Variants in NGLY1 observed in about 807,000 individuals in gnomAD.
NGLY1 encodes the protein N-glycanase 1, also known as peptide-N(4)-(N-acetyl-beta-glucosaminyl)asparagine amidase.
In NGLY1, 68 loss-of-function variants were observed where a neutral mutation model predicts 84.6. That is an observed-to-expected ratio of 0.80 (90% CI 0.66 to 0.98). The LOEUF (loss-of-function observed/expected upper bound fraction) is 0.98. Among genes scored for constraint, NGLY1 ranks in the 50% least tolerant of loss-of-function variants. NGLY1 has a pLI of 0.00. For missense variants in NGLY1, 779 were observed against 770.2 expected (o/e 1.01, Z -0.14); for synonymous variants, 280 against 275.2 (o/e 1.02, Z -0.17).
At chr3:25,723,064 T>C (rs1218057157) in intron 10 of NGLY1, among the ~76,000 whole-genome samples, 1 of 152,198 alleles carries the variant, frequency 6.6e-6, no homozygotes, top group East Asian at 1.9e-4. Flanking sequence ...GCTCACTAGA[T>C]TCAAATGTCC....
intron 10 of NGLY1, among the ~76,000 whole-genome samples, 167 bp downstream of exon 10, chr3:25,728,966 A>C (rs1202839506): frequency 6.6e-6 from 1 of 152,058 alleles, no homozygotes; most frequent in South Asian, 2.1e-4. Flanking sequence ...TTTCTAGTGG[A>C]CTTTTGATTA....
intron 10 of NGLY1, among the ~76,000 whole-genome samples, chr3:25,728,150 G>T (rs980611069): frequency 1.3e-5 from 2 of 151,970 alleles, no homozygotes; most frequent in African/African-American, 2.4e-5. Flanking sequence ...GATATAAATG[G>T]AGTATTTCTA....
At chr3:25,734,117 A>T (rs931493122) in intron 7 of NGLY1, 135 bp from the exon 8 acceptor site, 7 of 1,243,526 alleles carry the variant, frequency 5.6e-6, no homozygotes, top group Admixed American at 2.5e-5. Flanking sequence ...TCCAGGCTAG[A>T]GTGCAGTGGC....
intron 10 of NGLY1, among the ~76,000 whole-genome samples, chr3:25,727,553 T>C (rs1335667630): frequency 6.6e-6 from 1 of 152,216 alleles, no homozygotes; most frequent in Non-Finnish European, 1.5e-5. Context: ...CCCACCTCAC[T>C]GTTTCCATAG....
intron 2 of NGLY1, among the ~76,000 whole-genome samples, chr3:25,771,833 T>C (rs1707911216): frequency 1.3e-5 from 2 of 152,192 alleles, no homozygotes; most frequent in Admixed American, 6.5e-5. Flanking sequence ...CTCAGCTTGG[T>C]CGCTGTTGGT....
Position 25,736,036 on chromosome 3 carries a change from G to A in NGLY1, c.1117C>T (p.Leu373Phe). The A allele has an allele frequency of 1.2e-6, 2 of 1,613,758 alleles. No individual in the cohort carries two copies. The highest frequency in any genetic ancestry group is 1.7e-6 in the Non-Finnish European group (2 of 1,179,818). The change falls in exon 7 of 12, where the codon CTT becomes TTT. Residue 373 changes from leucine (L) to phenylalanine (F), a missense_variant. Physicochemically the swap from Leu to Phe is conservative, Grantham distance 22. Transcript: ENST00000280700. ...TTTGAAAATGCTATGACATAGGAAA[G>A]CTTCTTGCCCCATCCTATTTCATAA... ...LLYEIGWGKK[L>F]SYVIAFSKDE...
At chr3:25,765,703 C>T (rs1707529996) in intron 2 of NGLY1, among the ~76,000 whole-genome samples, 2 of 152,100 alleles carry the variant, frequency 1.3e-5, no homozygotes, top group Admixed American at 1.3e-4. Flanking sequence ...AAGACAACTA[C>T]AATGTATTGT....
At chr3:25,767,592 T>C (rs1707652305) in intron 2 of NGLY1, among the ~76,000 whole-genome samples, 1 of 152,162 alleles carries the variant, frequency 6.6e-6, no homozygotes, top group Non-Finnish European at 1.5e-5. Flanking sequence ...CTAATCTTTT[T>C]CATTTCAACA....
intron 3 of NGLY1, chr3:25,755,772 C>A: frequency 2.7e-6 from 2 of 751,364 alleles, no homozygotes; most frequent in Non-Finnish European, 4.3e-6. Flanking sequence ...TCTCGTTTTA[C>A]CTTAAAAGAC....
At chr3:25,770,172 C>CAA (rs1707823545) in intron 2 of NGLY1, among the ~76,000 whole-genome samples, 1 of 152,108 alleles carries the variant, frequency 6.6e-6, no homozygotes, top group African/African-American at 2.4e-5. Flanking sequence ...TTGTTTGAGA[C>CAA]AGAGTTTTGC....
At chr3:25,722,840 C>T (rs569129583) in intron 10 of NGLY1, among the ~76,000 whole-genome samples, 8 of 152,156 alleles carry the variant, frequency 5.3e-5, no homozygotes, top group Non-Finnish European at 8.8e-5. Context: ...AACTATTAGG[C>T]ATCTGGGTTA....
At chr3:25,724,856 G>A (rs1219893422) in intron 10 of NGLY1, among the ~76,000 whole-genome samples, 1 of 152,152 alleles carries the variant, frequency 6.6e-6, no homozygotes, top group East Asian at 1.9e-4. Flanking sequence ...CTGACTCAGT[G>A]TGATATTATG....
intron 2 of NGLY1, among the ~76,000 whole-genome samples, chr3:25,769,817 G>A (rs1434683395): frequency 6.6e-6 from 1 of 151,384 alleles, no homozygotes; most frequent in Non-Finnish European, 1.5e-5. Flanking sequence ...TATTTCAATA[G>A]GTTTTTGGGG....
chr3:25,733,785 T>G, intron 8 of NGLY1, 87 bp downstream of exon 8: 1 of 694,438 alleles, frequency 1.4e-6, no homozygotes, highest in South Asian at 2.7e-5. Flanking sequence ...GCTACTACTT[T>G]AAGAATTTCA....
intron 3 of NGLY1, chr3:25,755,762 T>G: frequency 1.2e-6 from 1 of 833,424 alleles, no homozygotes; most frequent in Middle Eastern, 3.5e-4. Flanking sequence ...TTCTAGATCT[T>G]CTCGTTTTAC....
chr3:25,756,432 T>C (rs558968105), intron 3 of NGLY1, among the ~76,000 whole-genome samples: 10 of 152,314 alleles, frequency 6.6e-5, no homozygotes, highest in Non-Finnish European at 1.3e-4. Flanking sequence ...GTCAGAACAG[T>C]TGGGTTTTAC....
At chr3:25,773,220 T>C (rs938368690) in intron 2 of NGLY1, among the ~76,000 whole-genome samples, 8 of 152,204 alleles carry the variant, frequency 5.3e-5, no homozygotes, top group African/African-American at 1.9e-4. Context: ...CCCTCAAATA[T>C]GTCTTCCAAA....
intron 3 of NGLY1, chr3:25,755,131 T>A: frequency 7.5e-7 from 1 of 1,326,938 alleles, no homozygotes; most frequent in Non-Finnish European, 1.1e-6. Flanking sequence ...TTGATGCAGA[T>A]GATGTGAGAC....
chr3:25,746,724 C>G (rs1024581406), intron 4 of NGLY1, among the ~76,000 whole-genome samples: 2 of 152,212 alleles, frequency 1.3e-5, no homozygotes, highest in East Asian at 3.9e-4. Flanking sequence ...TGAGCAATTT[C>G]CTGGTTGTTA....
Sources: allele counts gnomAD v4.1 joint callset (sites outside exome capture counted in the v4.1 genomes callset), GRCh38; gene constraint gnomAD v4.1.1; transcripts MANE v1.5; gene names NCBI Gene and HGNC (gene_info 2026-07-23, HGNC 2026-07-21).